FCHSD2: variants seen among roughly 807,000 people sequenced by gnomAD.
FCHSD2 encodes the protein FCH and double SH3 domains 2.
FCHSD2 carries 38 observed loss-of-function variants against 108.1 expected under a neutral mutation model. The ratio of observed to expected loss-of-function variants is 0.35; its 90% CI spans 0.27 to 0.46. The LOEUF (loss-of-function observed/expected upper bound fraction) is 0.46, where lower values mean the gene tolerates loss of function less well. Ranked by LOEUF, FCHSD2 falls within the 20% of genes least tolerant of loss-of-function variation. The probability of loss-of-function intolerance (pLI) is 1.00; values close to 1 mark genes in which losing one functional copy is unlikely to be tolerated. For missense variants in FCHSD2, 751 were observed against 897.8 expected (o/e 0.84, Z 2.09); for synonymous variants, 279 against 314.7 (o/e 0.89, Z 1.20).
chr11:73,082,085 C>A (rs1453274913), intron 3 of FCHSD2, among the ~76,000 whole-genome samples: 1 of 151,992 alleles, frequency 6.6e-6, no homozygotes, highest in Non-Finnish European at 1.5e-5. Context: ...TGCCTGTAAT[C>A]CCAGCACTTT....
chr11:72,882,004 G>C lies in FCHSD2; in HGVS notation c.1146+5466C>G, dbSNP rs1342901512. On this transcript the variant is annotated intron_variant, in intron 12 of 19. Transcript: ENST00000409418. ...AAAATACAAAAACAAAATTAGCTGG[G>C]TGTGGTGGCGGGCGCCTGTAGTCCC... Among the ~76,000 whole-genome samples the C allele has an allele frequency of 2.6e-5, 4 of 152,172 alleles. No individual in the cohort carries two copies. The East Asian group carries it at 7.7e-4, about 29-fold the overall frequency.
At chr11:73,113,290 T>C (rs567474713) in intron 2 of FCHSD2, among the ~76,000 whole-genome samples, 2 of 151,616 alleles carry the variant, frequency 1.3e-5, no homozygotes, top group Non-Finnish European at 2.9e-5. Flanking sequence ...CACATAGCTC[T>C]GTTTCTCCAG....
chr11:73,011,689 C>A (rs990157062), intron 4 of FCHSD2, among the ~76,000 whole-genome samples: 7 of 152,110 alleles, frequency 4.6e-5, no homozygotes, highest in Non-Finnish European at 8.8e-5. Context: ...GTTTCAAGGC[C>A]CAGGAAGGTT....
intron 2 of FCHSD2, among the ~76,000 whole-genome samples, chr11:73,129,227 G>A (rs778143540): frequency 4.6e-5 from 7 of 152,134 alleles, no homozygotes; most frequent in African/African-American, 7.2e-5. Flanking sequence ...ACAGCTGGGC[G>A]CCATAATTTG....
intron 8 of FCHSD2, among the ~76,000 whole-genome samples, chr11:72,959,317 C>A (rs1335762967): frequency 1.4e-5 from 2 of 144,808 alleles, no homozygotes; most frequent in Non-Finnish European, 3.0e-5. Context: ...GCAAGCTCCA[C>A]CCCCCAGGTT....
chr11:72,969,886 A>T (rs11235620), intron 8 of FCHSD2, among the ~76,000 whole-genome samples: 29,856 of 152,184 alleles, frequency 0.2, 3,105 homozygotes, highest in Middle Eastern at 0.31. Context: ...CACACAAGTG[A>T]GACCTGACCC....
Position 72,984,183 on chromosome 11 carries a change from C to T in FCHSD2, c.610G>A (p.Ala204Thr). ...AGATAATCATTCCTTGCGTGGGTAGCTTTGGAATTACACTCAGATCGCCGG... is the reference window on the plus strand; with the variant it reads ...AGATAATCATTCCTTGCGTGGGTAGTTTTGGAATTACACTCAGATCGCCGG... ...KARRSECNSK[A>T]THARNDYLLT... Residue 204 changes from alanine (A) to threonine (T), a missense_variant, in exon 8 of 20, where the codon GCT becomes ACT. Coordinates refer to ENST00000409418, the MANE Select transcript of FCHSD2 (RefSeq NM_014824.3). 2 of 1,613,740 alleles carry T rather than the reference C, an allele frequency of 1.2e-6. No individual in the cohort carries two copies. Among genetic ancestry groups the T allele is most frequent in the Non-Finnish European group, 1.7e-6 (2 of 1,179,680 alleles).
chr11:73,070,209 C>T lies in FCHSD2; in HGVS notation c.165+13486G>A, dbSNP rs117610694. 9.3e-3 allele frequency among the ~76,000 whole-genome samples: 1,421 copies of T among 152,186 alleles called. 11 individuals are homozygous for T. Among genetic ancestry groups the T allele is most frequent in the Non-Finnish European group, 0.013 (907 of 67,994 alleles). ...GGAAAGCAATCTCCAGAACAATATC[C>T]CTATAAGTGTAGTCTATTTCATAAG... On this transcript the variant is annotated intron_variant, in intron 3 of 19. Transcript: ENST00000409418.
chr11:72,990,062 T>G (rs541233996), intron 5 of FCHSD2, among the ~76,000 whole-genome samples: 1 of 152,126 alleles, frequency 6.6e-6, no homozygotes, highest in Non-Finnish European at 1.5e-5. Context: ...AAGAAAGGAC[T>G]ACAGGGGATG....
At chr11:72,998,094 A>G (rs948430557) in intron 5 of FCHSD2, among the ~76,000 whole-genome samples, 1 of 152,242 alleles carries the variant, frequency 6.6e-6, no homozygotes, top group African/African-American at 2.4e-5. Context: ...AAGGGTGGAA[A>G]ACAAAATGCT....
rs150052638 is a variant in FCHSD2, at chr11:72,940,046, T to C, written c.706-18096A>G. Among the ~76,000 whole-genome samples, 1,175 of 152,298 alleles carry C rather than the reference T, an allele frequency of 7.7e-3. 12 individuals are homozygous for C. The highest frequency in any genetic ancestry group is 0.012 in the Non-Finnish European group (816 of 68,018). ...TTATGCGGCAGTGTTACAGCCTGTA[T>C]AGAAAATGCAAGCAAATCAAAATTG... On this transcript the variant is annotated intron_variant, in intron 8 of 19. Transcript: ENST00000409418.
In FCHSD2 at chr11:73,126,074, G is replaced by C. The variant is rs550587176; in HGVS notation, c.119+13957C>G. ...AAGAATTCCACGGCCAGGTGCGGTG[G>C]CTCACACCTGTAATCCCAGCACTTT... On this transcript the variant is annotated intron_variant, in intron 2 of 19. Coordinates refer to ENST00000409418, the MANE Select transcript of FCHSD2 (RefSeq NM_014824.3). Among the ~76,000 whole-genome samples the C allele has an allele frequency of 2.6e-5, 4 of 152,116 alleles. No homozygotes were observed. In the East Asian group the frequency reaches 7.7e-4, roughly 29 times the overall value.
chr11:73,080,107 T>C (rs1591537246), intron 3 of FCHSD2, among the ~76,000 whole-genome samples: 1 of 151,844 alleles, frequency 6.6e-6, no homozygotes, highest in African/African-American at 2.4e-5. Flanking sequence ...GAGACCAGCC[T>C]GGGCAACATA....
chr11:72,853,227 A>T (rs1423546972), intron 13 of FCHSD2, among the ~76,000 whole-genome samples: 1 of 152,208 alleles, frequency 6.6e-6, no homozygotes, highest in Non-Finnish European at 1.5e-5. Context: ...CAAGGATGCC[A>T]AGACCACTCA....
intron 3 of FCHSD2, among the ~76,000 whole-genome samples, chr11:73,067,453 A>T (rs189302446): frequency 5.3e-5 from 8 of 152,200 alleles, no homozygotes; most frequent in Admixed American, 4.6e-4. Flanking sequence ...CGTTCTGCAC[A>T]TGTATCCCAG....
intron 10 of FCHSD2, among the ~76,000 whole-genome samples, chr11:72,899,685 G>A (rs952940949): frequency 7.6e-6 from 1 of 131,908 alleles, no homozygotes; most frequent in African/African-American, 2.9e-5. Context: ...GCAGTGAGCC[G>A]TGATTATGCC....
At chr11:72,853,397 C>T (rs1289484121) in intron 13 of FCHSD2, among the ~76,000 whole-genome samples, 1 of 152,110 alleles carries the variant, frequency 6.6e-6, no homozygotes, top group Non-Finnish European at 1.5e-5. Flanking sequence ...ACAGGGGAAA[C>T]ACTTTATGAC....
chr11:72,915,321 C>T (rs966231662), intron 9 of FCHSD2, among the ~76,000 whole-genome samples: 12 of 152,212 alleles, frequency 7.9e-5, no homozygotes, highest in Admixed American at 3.3e-4. Flanking sequence ...GTTCAACCAT[C>T]GTGGAAGACA....
chr11:73,106,204 T>TCA (rs1156645638), intron 2 of FCHSD2, among the ~76,000 whole-genome samples: 1 of 152,060 alleles, frequency 6.6e-6, no homozygotes, highest in East Asian at 1.9e-4. Flanking sequence ...GCCAAGGAGT[T>TCA]CGAGACCAGC....
Sources: gnomAD v4.1 joint callset for allele counts (sites outside exome capture counted in the v4.1 genomes callset) on GRCh38, gnomAD v4.1.1 for gene constraint, MANE v1.5 for transcripts, NCBI Gene and HGNC (gene_info 2026-07-23, HGNC 2026-07-21) for gene names.